Variants in ADAMTSL1 observed in about 807,000 individuals in gnomAD.
The protein encoded by ADAMTSL1 is ADAMTS like 1.
ADAMTSL1 carries 126 observed loss-of-function variants against 201.8 expected under a neutral mutation model. The ratio of observed to expected loss-of-function variants is 0.62; its 90% confidence interval spans 0.54 to 0.72. The LOEUF (loss-of-function observed/expected upper bound fraction) is 0.72, where lower values mean the gene tolerates loss of function less well. ADAMTSL1 is among the 30% of genes least tolerant of loss of function. The pLI, the probability that ADAMTSL1 is intolerant of heterozygous loss-of-function variation, is 0.00. For synonymous variants in ADAMTSL1, 1,121 were observed against 903.4 expected (o/e 1.24, Z -4.32); for missense variants, 2,679 against 2,277.8 (o/e 1.18, Z -3.59).
In ADAMTSL1 at chr9:18,366,799, G is replaced by A. The variant is rs577297209; in HGVS notation, c.208-138030G>A. ...TTCCCGGCTAATTTTTGTATTTTTAGTAGAGACACCAATGGCCAGGCTGGT... is the reference window on the plus strand; with the variant it reads ...TTCCCGGCTAATTTTTGTATTTTTAATAGAGACACCAATGGCCAGGCTGGT... On this transcript the variant is annotated intron_variant, in intron 2 of 29. Coordinates refer to the ADAMTSL1 transcript ENST00000680146. Among the ~76,000 whole-genome samples the A allele has an allele frequency of 2.0e-5, 3 of 151,866 alleles. No homozygotes were observed. In the East Asian group the frequency reaches 5.8e-4, roughly 29 times the overall value.
At chr9:18,861,333 C>T (rs1827203130) in intron 23 of ADAMTSL1, among the ~76,000 whole-genome samples, 1 of 152,184 alleles carries the variant, frequency 6.6e-6, no homozygotes, top group Admixed American at 6.5e-5. Context: ...TCATCCAGGT[C>T]TAAATTGGCC....
At chr9:18,194,539 C>G (rs1379588786) in intron 2 of ADAMTSL1, among the ~76,000 whole-genome samples, 1 of 152,068 alleles carries the variant, frequency 6.6e-6, no homozygotes, top group East Asian at 1.9e-4. Context: ...TCATAGAAAG[C>G]ATTCTCTTCA....
chr9:18,522,596 A>C (rs7019175), intron 2 of ADAMTSL1, among the ~76,000 whole-genome samples: 14,866 of 74,940 alleles, frequency 0.2, 1,355 homozygotes, highest in African/African-American at 0.41. Flanking sequence ...CCCCCTCCCC[A>C]CACCCCATGA....
At chr9:18,504,665 A>G (rs1474898956) in intron 1 of ADAMTSL1, among the ~76,000 whole-genome samples, 164 bp from the exon 2 acceptor site, 2 of 152,158 alleles carry the variant, frequency 1.3e-5, no homozygotes, top group African/African-American at 4.8e-5. Context: ...CCCCCTGAAC[A>G]TATAGGCATT....
intron 2 of ADAMTSL1, among the ~76,000 whole-genome samples, chr9:18,269,992 C>T (rs766648691): frequency 1.3e-5 from 2 of 151,974 alleles, no homozygotes; most frequent in Non-Finnish European, 1.5e-5. Context: ...AATCTAATGC[C>T]GTCTCTACAA....
At chr9:18,679,230 C>G (rs1830303851) in intron 10 of ADAMTSL1, among the ~76,000 whole-genome samples, 1 of 152,144 alleles carries the variant, frequency 6.6e-6, no homozygotes. Flanking sequence ...AAAATTTTAA[C>G]TATTCAAATG....
At chr9:18,480,596 G>T (rs984799248) in intron 1 of ADAMTSL1, among the ~76,000 whole-genome samples, 9 of 152,176 alleles carry the variant, frequency 5.9e-5, no homozygotes, top group African/African-American at 1.9e-4. Context: ...GAAAGGTGTT[G>T]TTTGTTATGC....
intron 2 of ADAMTSL1, among the ~76,000 whole-genome samples, chr9:18,188,507 T>G (rs1171561373): frequency 6.6e-6 from 1 of 152,134 alleles, no homozygotes; most frequent in Non-Finnish European, 1.5e-5. Context: ...GAATTTACTT[T>G]TACTAGATGA....
intron 1 of ADAMTSL1, among the ~76,000 whole-genome samples, chr9:17,998,204 C>T (rs906108167): frequency 6.6e-6 from 1 of 152,026 alleles, no homozygotes; most frequent in Non-Finnish European, 1.5e-5. Flanking sequence ...TATGTGCACA[C>T]ATACCTACGC....
chr9:18,457,753 G>A (rs757418915), intron 2 of ADAMTSL1, among the ~76,000 whole-genome samples: 7 of 152,154 alleles, frequency 4.6e-5, no homozygotes, highest in African/African-American at 1.7e-4. Flanking sequence ...GAGGAAAGAG[G>A]AGTTAGAGAA....
At chr9:18,266,923 T>C (rs181555177) in intron 2 of ADAMTSL1, among the ~76,000 whole-genome samples, 62 of 152,274 alleles carry the variant, frequency 4.1e-4, no homozygotes, top group African/African-American at 1.4e-3. Context: ...GTCCTTCCTG[T>C]TGGAATTGCA....
Position 17,909,726 on chromosome 9 carries a change from A to G in ADAMTSL1, c.87+2804A>G, listed in dbSNP as rs867999493. ...AAATCATCATTCTCAGTAAACTATC[A>G]CAAAACAAAAAACCAAACACTGCAT... On this transcript the variant is annotated intron_variant, in intron 1 of 29. Transcript: ENST00000680146. 4.7e-3 allele frequency among the ~76,000 whole-genome samples: 308 copies of G among 65,668 alleles called. 6 individuals carry two copies. Among genetic ancestry groups the G allele is most frequent in the African/African-American group, 9.3e-3 (297 of 32,006 alleles). The allele number at this position is 65,668 out of a possible 152,430, so 43.1% of individuals were successfully genotyped here.
At chr9:18,622,491 T>C (rs1826101495) in intron 5 of ADAMTSL1, 122 bp downstream of exon 5, 2 of 1,418,438 alleles carry the variant, frequency 1.4e-6, no homozygotes, top group African/African-American at 1.4e-5. Context: ...AACCTGAAAA[T>C]GTAGAAGGCT....
chr9:18,077,514 A>G (rs978688244), intron 1 of ADAMTSL1, among the ~76,000 whole-genome samples: 1 of 152,198 alleles, frequency 6.6e-6, no homozygotes, highest in Non-Finnish European at 1.5e-5. Flanking sequence ...AATGCATATC[A>G]TGATTGATAA....
chr9:18,542,875 A>G (rs903408370), intron 3 of ADAMTSL1, among the ~76,000 whole-genome samples: 1 of 152,312 alleles, frequency 6.6e-6, no homozygotes, highest in South Asian at 2.1e-4. Context: ...GCCTTATTCT[A>G]TGGCATCATG....
intron 2 of ADAMTSL1, 105 bp downstream of exon 2, chr9:18,505,061 C>T: frequency 7.3e-7 from 1 of 1,364,518 alleles, no homozygotes; most frequent in Non-Finnish European, 9.8e-7. Context: ...GCTTACAGAT[C>T]CAGATAAAAG....
At chr9:17,909,397 A>G (rs1434536515) in intron 1 of ADAMTSL1, among the ~76,000 whole-genome samples, 2 of 145,264 alleles carry the variant, frequency 1.4e-5, no homozygotes, top group African/African-American at 2.5e-5. Context: ...GTCCTTGCCC[A>G]TGCCTATGTC....
At chr9:18,291,733 TCTCTCTCTCTCTCTCACACACACA>T (rs1302437456) in intron 2 of ADAMTSL1, among the ~76,000 whole-genome samples, 54 of 129,226 alleles carry the variant, frequency 4.2e-4, no homozygotes, top group Non-Finnish European at 6.3e-4. Flanking sequence ...TCTCTCTCTC[TCTCTCTCTCTCTCTCACACACACA>T]CACACACACA....
intron 2 of ADAMTSL1, among the ~76,000 whole-genome samples, chr9:18,424,258 GC>G (rs1021566763): frequency 1.6e-4 from 25 of 152,184 alleles, no homozygotes; most frequent in Non-Finnish European, 8.8e-5. Flanking sequence ...AGCAAGTGGG[GC>G]TGAGAAACAA....
Sources: allele counts gnomAD v4.1 joint callset (sites outside exome capture counted in the v4.1 genomes callset), GRCh38; gene constraint gnomAD v4.1.1; transcripts MANE v1.5; gene names NCBI Gene and HGNC (gene_info 2026-07-23, HGNC 2026-07-21).